The following OR6B3 variants were observed in gnomAD, a reference collection of about 807,000 sequenced individuals.
OR6B3 encodes olfactory receptor 6B3.
For missense variants in OR6B3, 315 were observed against 427.4 expected (o/e 0.74, Z 2.32); for synonymous variants, 148 against 187.8 (o/e 0.79, Z 1.73).
exon 2 of OR6B3, chr2:240,045,437 C>T: frequency 6.2e-7 from 1 of 1,614,200 alleles, no homozygotes; most frequent in African/African-American, 1.3e-5. Flanking sequence ...GCATGGTGGC[C>T]AGGAGTGGAA....
upstream of OR6B3, among the ~76,000 whole-genome samples, chr2:240,050,268 T>C (rs1467891957): frequency 6.6e-6 from 1 of 152,222 alleles, no homozygotes; most frequent in Non-Finnish European, 1.5e-5. Flanking sequence ...TAGGCTCAGA[T>C]GTATAATCAA....
the OR6B3 span, among the ~76,000 whole-genome samples, chr2:240,053,167 C>G: frequency 6.6e-6 from 1 of 152,162 alleles, no homozygotes; most frequent in African/African-American, 2.4e-5. The surrounding 1 kb of genome is among the most constrained non-coding windows in gnomAD (Gnocchi z 4.1). Flanking sequence ...CTGAGCACCT[C>G]TCAAGCCAGT....
Position 240,045,105 on chromosome 2 carries a change from T to C in OR6B3, c.968A>G (p.His323Arg), listed in dbSNP as rs1288158254. The C allele has an allele frequency of 3.1e-6, 5 of 1,601,164 alleles. No homozygotes were observed. The highest frequency in any genetic ancestry group is 1.7e-4 in the Middle Eastern group (1 of 5,994). Residue 323 changes from histidine to arginine, a missense_variant, in exon 2 of 2, where the codon CAT becomes CGT. Transcript: ENST00000641019. The stretch of plus-strand genomic sequence containing the variant: ...GAGAGGCTGGCTGTGTATTTGGAGA[T>C]GAAGTTCCAGAAGACTAGAAAGCCT...
upstream of OR6B3, among the ~76,000 whole-genome samples, chr2:240,047,531 A>T (rs11883510): frequency 6.6e-6 from 1 of 152,136 alleles, no homozygotes; most frequent in Admixed American, 6.5e-5. Flanking sequence ...CACTGTCCTG[A>T]GGGGCAGAGC....
At chr2:240,047,073 A>C (rs1375264767), upstream of OR6B3, 1 of 152,194 alleles carries the variant, frequency 6.6e-6, no homozygotes, top group Non-Finnish European at 1.5e-5. Context: ...AGAACATTTG[A>C]ATTATAAAGA....
chr2:240,051,198 C>A (rs555786532), upstream of OR6B3, among the ~76,000 whole-genome samples: 1 of 152,206 alleles, frequency 6.6e-6, no homozygotes, highest in African/African-American at 2.4e-5. Flanking sequence ...TGGAGACCCA[C>A]CAAATGACAG....
At chr2:240,051,991 C>A (rs756707358), upstream of OR6B3, among the ~76,000 whole-genome samples, 1 of 152,106 alleles carries the variant, frequency 6.6e-6, no homozygotes, top group Non-Finnish European at 1.5e-5. Context: ...TAACAATGTG[C>A]CATTGTACTA....
chr2:240,046,436 G>A (rs4854051), intron 1 of OR6B3, among the ~76,000 whole-genome samples: 6,725 of 152,252 alleles, frequency 0.044, 250 homozygotes, highest in South Asian at 0.12. Flanking sequence ...CAGGGTGTCC[G>A]GTGTCCTCCA....
At chr2:240,051,406 T>C (rs959005395), upstream of OR6B3, among the ~76,000 whole-genome samples, 1 of 152,192 alleles carries the variant, frequency 6.6e-6, no homozygotes, top group Non-Finnish European at 1.5e-5. Context: ...CTCAACAGCA[T>C]CATGATGTTA....
upstream of OR6B3, among the ~76,000 whole-genome samples, chr2:240,050,436 CG>C (rs1446326878): frequency 6.6e-6 from 1 of 152,164 alleles, no homozygotes; most frequent in African/African-American, 2.4e-5. Flanking sequence ...GGACAGGGGC[CG>C]GGCGCAGTGG....
upstream of OR6B3, among the ~76,000 whole-genome samples, chr2:240,051,140 T>A (rs1698251309): frequency 6.6e-6 from 1 of 152,212 alleles, no homozygotes; most frequent in South Asian, 2.1e-4. Flanking sequence ...CAGGAAAATA[T>A]GAGCATGCAA....
upstream of OR6B3, among the ~76,000 whole-genome samples, chr2:240,049,110 G>C (rs1299546469): frequency 6.6e-6 from 1 of 152,126 alleles, no homozygotes; most frequent in East Asian, 1.9e-4. Context: ...GTCCTTTTAT[G>C]GCTACAAATC....
At chr2:240,051,060 GA>G (rs1481517737), upstream of OR6B3, among the ~76,000 whole-genome samples, 2 of 152,084 alleles carry the variant, frequency 1.3e-5, no homozygotes, top group Non-Finnish European at 2.9e-5. Flanking sequence ...AAAAATAATA[GA>G]ATTGATCGAT....
upstream of OR6B3, among the ~76,000 whole-genome samples, chr2:240,048,686 G>T (rs1353835703): frequency 6.6e-6 from 1 of 152,196 alleles, no homozygotes; most frequent in Non-Finnish European, 1.5e-5. Context: ...ACAGGGGTCT[G>T]CCCAAACTAA....
upstream of OR6B3, among the ~76,000 whole-genome samples, chr2:240,050,182 G>T (rs1698238011): frequency 2.6e-5 from 4 of 152,168 alleles, no homozygotes; most frequent in Middle Eastern, 6.8e-3. Context: ...ATTGTATTAG[G>T]TTGGTGCAAA....
upstream of OR6B3, among the ~76,000 whole-genome samples, chr2:240,047,956 A>G (rs961519272): frequency 6.6e-6 from 1 of 152,248 alleles, no homozygotes; most frequent in Non-Finnish European, 1.5e-5. Flanking sequence ...ATTGAAATAC[A>G]GAAAAGAAAA....
exon 2 of OR6B3, chr2:240,045,482 C>T (rs756183510): frequency 6.2e-7 from 1 of 1,614,132 alleles, no homozygotes; most frequent in South Asian, 1.1e-5. Context: ...TGAAATCCAC[C>T]AGCTCTGCAG....
At chr2:240,050,787 A>G (rs1375787382), upstream of OR6B3, among the ~76,000 whole-genome samples, 3 of 151,732 alleles carry the variant, frequency 2.0e-5, no homozygotes, top group Non-Finnish European at 4.4e-5. Context: ...ACTCTAGTAC[A>G]TGCCTCTCAC....
upstream of OR6B3, among the ~76,000 whole-genome samples, chr2:240,051,403 G>A (rs191597204): frequency 6.6e-6 from 1 of 152,324 alleles, no homozygotes; most frequent in East Asian, 1.9e-4. Flanking sequence ...AAGCTCAACA[G>A]CATCATGATG....
Sources: allele counts gnomAD v4.1 joint callset (sites outside exome capture counted in the v4.1 genomes callset), GRCh38; gene constraint gnomAD v4.1.1; non-coding constraint Gnocchi (gnomAD v3.1); transcripts MANE v1.5; gene names NCBI Gene and HGNC (gene_info 2026-07-23, HGNC 2026-07-21).